The following ADCY5 variants were observed in gnomAD, a reference collection of about 807,000 sequenced individuals.
ADCY5 encodes adenylate cyclase 5.
In ADCY5, 30 loss-of-function variants were observed where a neutral mutation model predicts 119.7. The ratio of observed to expected loss-of-function variants is 0.25; its 90% CI spans 0.19 to 0.34. ADCY5 has a LOEUF of 0.34. Ranked by LOEUF, ADCY5 falls within the 10% of genes least tolerant of loss-of-function variation. The pLI is 1.00. For synonymous variants in ADCY5, 753 were observed against 762.2 expected, an observed-to-expected ratio of 0.99 and a Z score of 0.20; for missense variants, 1,324 against 1,775.2, an observed-to-expected ratio of 0.75 and a Z score of 4.57.
At chr3:123,345,769 G>GACAGACACACAGACACAC (rs57198270) in intron 3 of ADCY5, among the ~76,000 whole-genome samples, 1 of 113,836 alleles carries the variant, frequency 8.8e-6, no homozygotes, top group East Asian at 2.4e-4. Context: ...CAGACAGACA[G>GACAGACACACAGACACAC]ACACACACAC....
At position 123,296,160 on chromosome 3, in the gene ADCY5, A is replaced by C. The variant is rs1488686526; in HGVS notation, c.2987T>G (p.Val996Gly). The C allele has an allele frequency of 5.0e-6, 8 of 1,613,804 alleles. No individual in the cohort carries two copies. In the South Asian group the frequency reaches 8.8e-5, roughly 18 times the overall value. ...LKVVTPIIISVFVLALYLHAQ... is the reference protein window; with the variant it reads ...LKVVTPIIISGFVLALYLHAQ... Reference sequence around the variant, plus strand: ...GTGCAGGTACAGGGCCAGCACAAAGACTGAGATGATGATGGGCGTCACCAC... The same window carrying C: ...GTGCAGGTACAGGGCCAGCACAAAGCCTGAGATGATGATGGGCGTCACCAC... The change falls in exon 17 of 21, where the codon GTC (valine) becomes GGC (glycine). Residue 996 changes from valine (V) to glycine (G), a missense_variant. Physicochemically the swap from Val to Gly is moderately radical, Grantham distance 109. Coordinates refer to ENST00000462833, the MANE Select transcript of ADCY5 (RefSeq NM_183357.3).
At chr3:123,311,110 T>C (rs1043005383) in intron 12 of ADCY5, among the ~76,000 whole-genome samples, 5 of 152,098 alleles carry the variant, frequency 3.3e-5, no homozygotes, top group South Asian at 2.1e-4. Flanking sequence ...GTAAATGAAA[T>C]AGAGAAAGAG....
At chr3:123,386,233 C>A (rs970638443) in intron 1 of ADCY5, among the ~76,000 whole-genome samples, 1 of 152,160 alleles carries the variant, frequency 6.6e-6, no homozygotes, top group Non-Finnish European at 1.5e-5. Flanking sequence ...CTTTTCTCCT[C>A]CTGGGGCCCA....
intron 12 of ADCY5, among the ~76,000 whole-genome samples, chr3:123,309,866 C>G (rs980360181): frequency 1.3e-5 from 2 of 152,098 alleles, no homozygotes; most frequent in African/African-American, 4.8e-5. Context: ...ATTTTAGAAA[C>G]TGTGGACCAG....
intron 3 of ADCY5, among the ~76,000 whole-genome samples, chr3:123,336,938 T>G (rs907851567): frequency 1.3e-5 from 2 of 152,194 alleles, no homozygotes; most frequent in African/African-American, 4.8e-5. Context: ...GCCCCAGAGA[T>G]TCTGACTTAA....
In ADCY5 at chr3:123,325,377, C is replaced by T. The variant is rs368851720; in HGVS notation, c.2033G>A (p.Arg678His). 41 of 1,614,166 alleles carry T rather than the reference C, an allele frequency of 2.5e-5. No homozygotes were observed. Among genetic ancestry groups the T allele is most frequent in the South Asian group, 8.8e-5 (8 of 91,084 alleles). ...GHNPPHWGAE[R>H]PFYNHLGGNQ... ...GCCACCCAGGTGGTTGTAGAAGGGG[C>T]GCTCAGCCCCCCAGTGTGGTGGGTT... Residue 678 changes from arginine (R) to histidine (H), a missense_variant, in exon 8 of 21, where the codon CGC (arginine) becomes CAC (histidine). Arg to His is a conservative substitution (Grantham distance 29). Around this residue, in one of 6 missense-constraint regions of ADCY5, gnomAD observed 424 missense variants for 546.8 expected, o/e 0.78. Transcript: ENST00000462833.
At position 123,282,946 on chromosome 3, in the gene ADCY5, T is replaced by C. The variant is rs1281513567; in HGVS notation, c.*1662A>G. ...TGGGCATGGGCCCTAAGGATTCCAC[T>C]GAATTCTGTGCTAGAGTATCATTTT... On this transcript the variant is annotated 3_prime_UTR_variant, in exon 21 of 21. Transcript: ENST00000462833. 6.6e-6 allele frequency: 1 copy of C among 152,240 alleles called. No individual in the cohort carries two copies. The highest frequency in any genetic ancestry group is 1.5e-5 in the Non-Finnish European group (1 of 68,046). The allele number at this position is 152,240 out of a possible 1,614,324, so 9.4% of individuals were successfully genotyped here.
At chr3:123,353,041 T>A (rs927924552) in intron 1 of ADCY5, among the ~76,000 whole-genome samples, 1 of 152,112 alleles carries the variant, frequency 6.6e-6, no homozygotes, top group Non-Finnish European at 1.5e-5. Flanking sequence ...GATTCTCGAA[T>A]CCCCTCAGGT....
chr3:123,286,794 G>A lies in ADCY5; in HGVS notation c.3548C>T (p.Pro1183Leu). The A allele has an allele frequency of 6.2e-7, 1 of 1,608,494 alleles. No individual in the cohort carries two copies. The highest frequency in any genetic ancestry group is 8.5e-7 in the Non-Finnish European group (1 of 1,177,432). The change falls in exon 20 of 21, where the codon CCC (proline) becomes CTC (leucine). Residue 1183 changes from proline to leucine, a missense_variant. Around this residue, in one of 6 missense-constraint regions of ADCY5, gnomAD observed 178 missense variants for 329.6 expected, o/e 0.54. Transcript: ENST00000462833. The surrounding 1 kb of genome is among the most constrained non-coding windows in gnomAD (Gnocchi z 4.2). Reference protein sequence around the residue: ...FQMKIGLNIGPVVAGVIGARK... With the variant: ...FQMKIGLNIGLVVAGVIGARK... ...TGCCCCTATCACCCCGGCCACCACG[G>A]GGCCGATGTTGAGCCCTGCAGGGGA...
rs184248570 is a variant in ADCY5 at position 123,376,638 on chromosome 3, A to C, written c.1135-24057T>G. On this transcript the variant is annotated intron_variant, in intron 1 of 20. Transcript: ENST00000462833. ...CTATGTGTGTGCCCACAGAGGCCCA[A>C]AATAAATAACAATGAACGCCTCAAC... Among the ~76,000 whole-genome samples, 11 of 152,268 alleles carry C rather than the reference A, an allele frequency of 7.2e-5. No individual in the cohort carries two copies. The East Asian group carries it at 2.1e-3, about 29-fold the overall frequency.
rs140286322 is a variant in ADCY5 at position 123,320,448 on chromosome 3, T to C, written c.2111+301A>G. ...GGATGCCAGGCACTGCTGACCAGTG[T>C]GTAAGGTCTGCACTTTCCTGAGGGA... On this transcript the variant is annotated intron_variant, in intron 9 of 20. Transcript: ENST00000462833. Among the ~76,000 whole-genome samples, 353 of 152,326 alleles carry C rather than the reference T, an allele frequency of 2.3e-3. 1 individual carries two copies. Among genetic ancestry groups the C allele is most frequent in the African/African-American group, 6.5e-3 (270 of 41,580 alleles).
intron 1 of ADCY5, 138 bp downstream of exon 1, chr3:123,447,274 A>G: frequency 2.0e-6 from 2 of 1,011,552 alleles, no homozygotes. Context: ...GAAGCTCCCA[A>G]ATAGCCTACA....
chr3:123,392,774 C>T (rs1944432602), intron 1 of ADCY5, among the ~76,000 whole-genome samples: 1 of 152,194 alleles, frequency 6.6e-6, no homozygotes. Flanking sequence ...CACCACCTCC[C>T]TCTCTTGCAC....
Position 123,319,658 on chromosome 3 carries a change from A to C in ADCY5, c.2256+16T>G, listed in dbSNP as rs765927584. 1 of 1,612,970 alleles carries C rather than the reference A, an allele frequency of 6.2e-7. No individual in the cohort carries two copies. Among genetic ancestry groups the C allele is most frequent in the Non-Finnish European group, 8.5e-7 (1 of 1,179,170 alleles). On this transcript the variant is annotated intron_variant, in intron 10 of 20. Coordinates refer to ENST00000462833, the MANE Select transcript of ADCY5 (RefSeq NM_183357.3). The stretch of plus-strand genomic sequence containing the variant: ...GGTTCAGCACAGGGGCCTCCTTCCC[A>C]CCCAGGGTGCTGTACCTTCTTCTCT...
At chr3:123,417,206 C>T (rs931936939) in intron 1 of ADCY5, among the ~76,000 whole-genome samples, 1 of 152,154 alleles carries the variant, frequency 6.6e-6, no homozygotes, top group Non-Finnish European at 1.5e-5. Flanking sequence ...GATTTCTTGG[C>T]ATCCCCAAGG....
At chr3:123,416,697 G>T (rs1266058058) in intron 1 of ADCY5, among the ~76,000 whole-genome samples, 2 of 152,138 alleles carry the variant, frequency 1.3e-5, no homozygotes, top group Non-Finnish European at 2.9e-5. Context: ...GGGGAGGAGG[G>T]CTCACTGGCC....
intron 1 of ADCY5, among the ~76,000 whole-genome samples, chr3:123,438,975 C>T (rs1396046850): frequency 1.3e-5 from 2 of 151,938 alleles, no homozygotes; most frequent in Non-Finnish European, 2.9e-5. Context: ...TGGTCTCAAA[C>T]TCCTGGACTC....
chr3:123,330,882 C>T lies in ADCY5; in HGVS notation c.1646+7G>A, dbSNP rs777221271. 3 of 1,606,616 alleles carry T rather than the reference C, an allele frequency of 1.9e-6. No individual in the cohort carries two copies. Among genetic ancestry groups the T allele is most frequent in the Non-Finnish European group, 2.5e-6 (3 of 1,176,502 alleles). ...AGGGAGACGGTACCCGGGGGGTGGA[C>T]ACTTACGAGATGGCCTCGATCATGT... On this transcript the variant is annotated splice_region_variant and intron_variant, in intron 5 of 20. Transcript: ENST00000462833.
intron 2 of ADCY5, among the ~76,000 whole-genome samples, chr3:123,351,372 G>T (rs1273929821): frequency 6.6e-6 from 1 of 152,202 alleles, no homozygotes; most frequent in Non-Finnish European, 1.5e-5. Flanking sequence ...CTGGAGCCAT[G>T]AGTGACCACT....
Sources: allele counts gnomAD v4.1 joint callset (sites outside exome capture counted in the v4.1 genomes callset), GRCh38; gene constraint gnomAD v4.1.1; regional missense constraint gnomAD v4.1.1; non-coding constraint Gnocchi (gnomAD v3.1); transcripts MANE v1.5; gene names NCBI Gene and HGNC (gene_info 2026-07-23, HGNC 2026-07-21).